The following FBXW2 variants were observed in gnomAD, a reference collection of about 807,000 sequenced individuals.
FBXW2 encodes F-box and WD repeat domain containing 2, also known as F-box/WD repeat-containing protein 2.
Under a neutral mutation model 46.0 loss-of-function variants are expected in FBXW2, and 12 were observed. The ratio of observed to expected loss-of-function variants is 0.26; its 90% CI spans 0.17 to 0.42. The LOEUF (loss-of-function observed/expected upper bound fraction) is 0.42, where lower values mean the gene tolerates loss of function less well. Ranked by LOEUF, FBXW2 falls within the 10% of genes least tolerant of loss-of-function variation. The pLI is 1.00. For missense variants in FBXW2, 360 were observed against 537.0 expected (o/e 0.67, Z 3.26); for synonymous variants, 203 against 209.6 (o/e 0.97, Z 0.27).
In FBXW2 at chr9:120,793,236, G is replaced by A. The variant is rs1002139423; in HGVS notation, c.-108C>T. The A allele has an allele frequency of 4.0e-6, 2 of 505,058 alleles. No individual in the cohort carries two copies. The highest frequency in any genetic ancestry group is 2.0e-5 in the African/African-American group (1 of 50,312). 31.3% of individuals were successfully genotyped at this position (505,058 alleles called of 1,614,324 possible). On this transcript the variant is annotated 5_prime_UTR_variant, in exon 2 of 8. Transcript: ENST00000608872. ...ACCGCCAGAGCCTTGCAGCGGCCGG[G>A]TCCGCTCCGCAGCCATGGCGCCTGC...
intron 2 of FBXW2, among the ~76,000 whole-genome samples, chr9:120,790,432 C>T (rs1205424213): frequency 2.0e-5 from 3 of 151,756 alleles, no homozygotes; most frequent in African/African-American, 4.8e-5. Context: ...TGCAGTGAGC[C>T]GAGATCACGC....
At chr9:120,775,904 G>A (rs1248003547) in intron 5 of FBXW2, among the ~76,000 whole-genome samples, 189 bp downstream of exon 5, 1 of 152,068 alleles carries the variant, frequency 6.6e-6, no homozygotes, top group East Asian at 1.9e-4. Flanking sequence ...ATGTCCATAA[G>A]TCATTTATTT....
chr9:120,771,036 G>A (rs1282288920), intron 7 of FBXW2, among the ~76,000 whole-genome samples: 1 of 152,160 alleles, frequency 6.6e-6, no homozygotes, highest in Non-Finnish European at 1.5e-5. Context: ...AGAACTTATG[G>A]AGATCTGAAA....
intron 7 of FBXW2, among the ~76,000 whole-genome samples, chr9:120,768,629 T>C (rs550691949): frequency 6.6e-6 from 1 of 152,274 alleles, no homozygotes; most frequent in African/African-American, 2.4e-5. Flanking sequence ...GAGACCAGCC[T>C]GGCCAACAGG....
chr9:120,785,728 T>C (rs528936837), intron 3 of FBXW2, among the ~76,000 whole-genome samples: 2 of 152,210 alleles, frequency 1.3e-5, no homozygotes, highest in South Asian at 4.1e-4. Flanking sequence ...GAAAGGGCAC[T>C]AAGAAGAGCT....
chr9:120,771,680 G>A lies in FBXW2; in HGVS notation c.907-163C>T, dbSNP rs554877177. On this transcript the variant is annotated intron_variant, in intron 6 of 7. Coordinates refer to ENST00000608872, the MANE Select transcript of FBXW2 (RefSeq NM_012164.4). ...CACAGGTTCAAGTCTTAATTCTCCT[G>A]TGCAATCTTGGGTAAATTATTTAAT... Among the ~76,000 whole-genome samples, 259 of 152,316 alleles carry A rather than the reference G, an allele frequency of 1.7e-3. 1 individual carries two copies. The highest frequency in any genetic ancestry group is 2.7e-3 in the Non-Finnish European group (186 of 68,020).
rs1414055678 is a variant in FBXW2, at chr9:120,759,114, CTT to C, written c.*5443_*5444del. On this transcript the variant is annotated 3_prime_UTR_variant, in exon 8 of 8. Coordinates refer to ENST00000608872, the MANE Select transcript of FBXW2 (RefSeq NM_012164.4). ...TGTTCTATTTTCAAAAACACACTGA[CTT>C]TTGAAAAGTCCCTGCATTGGTTGGA... The C allele has an allele frequency of 6.6e-6, 1 of 152,190 alleles. No individual in the cohort carries two copies. 9.4% of individuals were successfully genotyped at this position (152,190 alleles called of 1,614,324 possible). A position where few individuals can be genotyped will look rare whatever the true frequency, so the allele number is the denominator to read the frequency against.
At chr9:120,787,122 G>A (rs1009240937) in intron 3 of FBXW2, among the ~76,000 whole-genome samples, 4 of 152,168 alleles carry the variant, frequency 2.6e-5, no homozygotes, top group Non-Finnish European at 4.4e-5. Flanking sequence ...TCCGCCTCCC[G>A]GGTTCAAGCG....
rs751290193 is a variant in FBXW2 at position 120,760,119 on chromosome 9, C to T, written c.*4440G>A. 3.9e-5 allele frequency: 6 copies of T among 152,306 alleles called. No homozygotes were observed. The highest frequency in any genetic ancestry group is 3.8e-4 in the East Asian group (2 of 5,196). 9.4% of individuals were successfully genotyped at this position (152,306 alleles called of 1,614,324 possible). A position where few individuals can be genotyped will look rare whatever the true frequency, so the allele number is the denominator to read the frequency against. On this transcript the variant is annotated 3_prime_UTR_variant, in exon 8 of 8. Coordinates refer to ENST00000608872, the MANE Select transcript of FBXW2 (RefSeq NM_012164.4). The stretch of plus-strand genomic sequence containing the variant: ...AAGTGTCTTGGTTGTCTAAACCAAG[C>T]GAAAGCACCAGCGTAACCAGGTAGG...
At chr9:120,781,635 TACACACACACACACACACACACACAC>T (rs1161130344) in intron 3 of FBXW2, among the ~76,000 whole-genome samples, 3 of 43,652 alleles carry the variant, frequency 6.9e-5, no homozygotes, top group Admixed American at 8.9e-4. Context: ...TTTATATACA[TACACACACACACACACACACACACAC>T]ACACACACAC....
rs1484069947 is a variant in FBXW2, at chr9:120,760,659, A to C, written c.*3900T>G. ...TACAAAAAAAACAAAACAAAACAAA[A>C]AAAACAGTGATGTTGGTAGGATTCA... On this transcript the variant is annotated 3_prime_UTR_variant, in exon 8 of 8. Coordinates refer to ENST00000608872, the MANE Select transcript of FBXW2 (RefSeq NM_012164.4). 6.6e-6 allele frequency: 1 copy of C among 152,084 alleles called. No homozygotes were observed. The highest frequency in any genetic ancestry group is 1.9e-4 in the East Asian group (1 of 5,186). The allele number at this position is 152,084 out of a possible 1,614,324, so 9.4% of individuals were successfully genotyped here. A position where few individuals can be genotyped will look rare whatever the true frequency, so the allele number is the denominator to read the frequency against.
intron 3 of FBXW2, among the ~76,000 whole-genome samples, chr9:120,786,978 A>G (rs2131369851): frequency 6.6e-6 from 1 of 152,278 alleles, no homozygotes; most frequent in South Asian, 2.1e-4. Flanking sequence ...TACTTCTTCT[A>G]CTTAGAATCA....
Position 120,763,380 on chromosome 9 carries a change from T to G in FBXW2, c.*1179A>C, listed in dbSNP as rs2044224197. On this transcript the variant is annotated 3_prime_UTR_variant, in exon 8 of 8. Transcript: ENST00000608872. ...GATGGTCTTAGAAGAGAAAGTTAAC[T>G]TGCCTGAGGCTGCAGATTAAGTTAG... The G allele has an allele frequency of 6.6e-6, 1 of 152,220 alleles. No individual in the cohort carries two copies. The highest frequency in any genetic ancestry group is 6.5e-5 in the Admixed American group (1 of 15,272). 9.4% of individuals were successfully genotyped at this position (152,220 alleles called of 1,614,324 possible). A position where few individuals can be genotyped will look rare whatever the true frequency, so the allele number is the denominator to read the frequency against.
chr9:120,780,500 C>G (rs1351307288), intron 3 of FBXW2, among the ~76,000 whole-genome samples: 1 of 152,088 alleles, frequency 6.6e-6, no homozygotes, highest in Admixed American at 6.6e-5. Flanking sequence ...CCCAGTATTT[C>G]ACACCTCCAT....
rs1020078660 is a variant in FBXW2 at position 120,793,398 on chromosome 9, G to A, written c.-174C>T. On this transcript the variant is annotated 5_prime_UTR_variant, in exon 1 of 8. Transcript: ENST00000608872. ...TCCCGGTCCGCAGCCTCACAGGGGAGCGGCTTCCGGTGCTGCCTGCGTCAT... is the reference window on the plus strand; with the variant it reads ...TCCCGGTCCGCAGCCTCACAGGGGAACGGCTTCCGGTGCTGCCTGCGTCAT... The A allele has an allele frequency of 2.5e-6, 1 of 399,796 alleles. No individual in the cohort carries two copies. The highest frequency in any genetic ancestry group is 3.6e-5 in the East Asian group (1 of 28,064). The allele number at this position is 399,796 out of a possible 1,614,324, so 24.8% of individuals were successfully genotyped here. A position where few individuals can be genotyped will look rare whatever the true frequency, so the allele number is the denominator to read the frequency against.
At position 120,763,436 on chromosome 9, in the gene FBXW2, G is replaced by C. The variant is rs946188490; in HGVS notation, c.*1123C>G. The C allele has an allele frequency of 2.0e-5, 3 of 152,186 alleles. No individual in the cohort carries two copies. The South Asian group carries it at 6.2e-4, about 31-fold the overall frequency. The allele number at this position is 152,186 out of a possible 1,614,324, so 9.4% of individuals were successfully genotyped here. On this transcript the variant is annotated 3_prime_UTR_variant, in exon 8 of 8. Coordinates refer to ENST00000608872, the MANE Select transcript of FBXW2 (RefSeq NM_012164.4). ...AAGGAGGAAGTTAGGTTGGGTTCAG[G>C]TATCCTTCTAGTATAGCATACTGTG...
rs184927216 is a variant in FBXW2 at position 120,766,706 on chromosome 9, C to T, written c.1077-1859G>A. 9.0e-3 allele frequency among the ~76,000 whole-genome samples: 1,369 copies of T among 152,240 alleles called. 13 individuals are homozygous for T. Among genetic ancestry groups the T allele is most frequent in the Non-Finnish European group, 0.012 (809 of 68,000 alleles). ...CTCGATCTCAACCTTGTGTTCCACC[C>T]GCCTCAGCCTCCCAAAGTGCTGGGA... is the stretch of plus-strand genomic sequence containing the variant. On this transcript the variant is annotated intron_variant, in intron 7 of 7. Transcript: ENST00000608872.
chr9:120,783,859 A>C (rs1463478956), intron 3 of FBXW2, among the ~76,000 whole-genome samples: 2 of 152,252 alleles, frequency 1.3e-5, no homozygotes, highest in Admixed American at 1.3e-4. Context: ...ATTAGCCATT[A>C]ATCTCTTCAA....
chr9:120,776,407 T>C, intron 4 of FBXW2, 181 bp from the exon 5 acceptor site: 1 of 650,260 alleles, frequency 1.5e-6, no homozygotes, highest in South Asian at 2.2e-5. Context: ...CTATTATAGC[T>C]TATTATTCTA....
Sources: gnomAD v4.1 joint callset for allele counts (sites outside exome capture counted in the v4.1 genomes callset) on GRCh38, gnomAD v4.1.1 for gene constraint, MANE v1.5 for transcripts, NCBI Gene and HGNC (gene_info 2026-07-23, HGNC 2026-07-21) for gene names.